MIS18BP1: variants seen among roughly 807,000 people sequenced by gnomAD.
MIS18BP1 encodes mis18-binding protein 1.
In MIS18BP1, 72 loss-of-function variants were observed where a neutral mutation model predicts 116.1. The ratio of observed to expected loss-of-function variants is 0.62; its 90% CI spans 0.51 to 0.75. The LOEUF (loss-of-function observed/expected upper bound fraction) is 0.75, where lower values mean the gene tolerates loss of function less well. Among genes scored for constraint, MIS18BP1 ranks in the 30% least tolerant of loss-of-function variants. The probability of loss-of-function intolerance (pLI) is 0.00; values close to 1 mark genes in which losing one functional copy is unlikely to be tolerated. For missense variants in MIS18BP1, 1,363 were observed against 1,303.2 expected (o/e 1.05, Z -0.71); for synonymous variants, 386 against 427.0 (o/e 0.90, Z 1.18).
chr14:45,241,921 A>G (rs1310781768), intron 4 of MIS18BP1, 113 bp downstream of exon 4: 2 of 1,139,736 alleles, frequency 1.8e-6, no homozygotes, highest in Non-Finnish European at 2.5e-6. Flanking sequence ...ATAATGAAGC[A>G]TACAGGTTCA....
Position 45,245,142 on chromosome 14 carries a change from G to A in MIS18BP1, c.544+1601C>T, listed in dbSNP as rs183716589. On this transcript the variant is annotated intron_variant, in intron 2 of 16. Coordinates refer to ENST00000310806, the MANE Select transcript of MIS18BP1 (RefSeq NM_018353.5). ...TTGAACCCTTTCACGCAATGTTTTC[G>A]TTGCTACCATTCCACCAAAGCTGCC... Among the ~76,000 whole-genome samples, 10 of 152,028 alleles carry A rather than the reference G, an allele frequency of 6.6e-5. No individual in the cohort carries two copies. In the East Asian group the frequency reaches 7.7e-4, roughly 12 times the overall value.
intron 2 of MIS18BP1, among the ~76,000 whole-genome samples, chr14:45,246,116 T>C (rs1451821187): frequency 6.6e-6 from 1 of 152,176 alleles, no homozygotes; most frequent in Admixed American, 6.5e-5. Flanking sequence ...TTGTACACAG[T>C]GGTTAACTAA....
intron 4 of MIS18BP1, chr14:45,241,726 G>C (rs762319084): frequency 1.4e-5 from 3 of 219,016 alleles, no homozygotes; most frequent in Non-Finnish European, 2.7e-5. Context: ...AGAAAAAAAA[G>C]AGTAGGAATG....
intron 13 of MIS18BP1, among the ~76,000 whole-genome samples, chr14:45,213,521 T>C (rs1890731702): frequency 6.6e-6 from 1 of 152,236 alleles, no homozygotes; most frequent in African/African-American, 2.4e-5. Flanking sequence ...AAATGTTTTC[T>C]GTAAATAATC....
chr14:45,234,360 AAAG>A (rs1418872499), intron 6 of MIS18BP1, among the ~76,000 whole-genome samples: 3 of 152,198 alleles, frequency 2.0e-5, no homozygotes, highest in Non-Finnish European at 4.4e-5. Context: ...ATAAAAAAAA[AAAG>A]GAGAAGGGAG....
rs577979979 is a variant in MIS18BP1, at chr14:45,224,307, C to A, written c.2280G>T (p.Met760Ile). 17 of 1,613,882 alleles carry A rather than the reference C, an allele frequency of 1.1e-5. No individual in the cohort carries two copies. The South Asian group carries it at 1.8e-4, about 17-fold the overall frequency. Reference protein sequence around the residue: ...KLKKIENQVAMSFYKHQSSPD... With the variant: ...KLKKIENQVAISFYKHQSSPD... ...GTGAGGACTGATGCTTATAAAATGA[C>A]ATAGCTACCTGATTTTCTATTTTCT... Residue 760 changes from methionine (M) to isoleucine (I), a missense_variant, in exon 11 of 17, where the codon ATG (methionine) becomes ATT (isoleucine). By Grantham distance (10) the Met-to-Ile change is conservative (BLOSUM62 1). Transcript: ENST00000310806.
chr14:45,215,118 G>A (rs1307275960), intron 13 of MIS18BP1, among the ~76,000 whole-genome samples: 3 of 152,162 alleles, frequency 2.0e-5, no homozygotes, highest in African/African-American at 4.8e-5. Flanking sequence ...CTGAAATGAT[G>A]GTGGGATAAA....
chr14:45,207,815 A>C (rs952726700), intron 14 of MIS18BP1, among the ~76,000 whole-genome samples: 3 of 152,248 alleles, frequency 2.0e-5, no homozygotes, highest in Admixed American at 6.5e-5. Flanking sequence ...TAGAGCTAGT[A>C]AAGTCAGAGA....
intron 13 of MIS18BP1, among the ~76,000 whole-genome samples, chr14:45,214,213 T>C (rs900050795): frequency 1.3e-5 from 2 of 152,150 alleles, no homozygotes; most frequent in Non-Finnish European, 2.9e-5. Flanking sequence ...AAGGTATCTG[T>C]CTCCTGCTCG....
At chr14:45,226,694 A>C (rs1233507446) in intron 10 of MIS18BP1, 49 bp downstream of exon 10, 1 of 1,270,128 alleles carries the variant, frequency 7.9e-7, no homozygotes, top group East Asian at 3.3e-5. Context: ...AAAACATTTC[A>C]CATAGTAGCT....
intron 12 of MIS18BP1, 35 bp from the exon 13 acceptor site, chr14:45,217,214 G>T (rs781268508): frequency 6.2e-7 from 1 of 1,601,566 alleles, no homozygotes; most frequent in Non-Finnish European, 8.5e-7. Context: ...ATAAGGATTT[G>T]GTTATTTATA....
At chr14:45,217,291 C>G in intron 12 of MIS18BP1, 112 bp from the exon 13 acceptor site, 1 of 1,280,778 alleles carries the variant, frequency 7.8e-7, no homozygotes, top group Non-Finnish European at 1.1e-6. Context: ...AAAAAAAAAC[C>G]AAAAAACTCA....
At chr14:45,215,668 C>T (rs1380684490) in intron 13 of MIS18BP1, among the ~76,000 whole-genome samples, 4 of 151,532 alleles carry the variant, frequency 2.6e-5, no homozygotes, top group Non-Finnish European at 4.4e-5. Context: ...TTCTTGGCCT[C>T]CCAAAGTGTT....
At chr14:45,248,031 C>T (rs1401467162) in intron 1 of MIS18BP1, among the ~76,000 whole-genome samples, 11 of 142,602 alleles carry the variant, frequency 7.7e-5, no homozygotes, top group South Asian at 2.3e-4. Flanking sequence ...CTTGAGTTTA[C>T]GTAGTTTTAG....
chr14:45,237,713 C>A lies in MIS18BP1; in HGVS notation c.1152G>T (p.Gln384His), dbSNP rs769559945. ...TNGLKKNQVVQLQEWMIKSIN... is the reference protein window; with the variant it reads ...TNGLKKNQVVHLQEWMIKSIN... ...TGCTTTTAATCATCCATTCCTGTAG[C>A]TGAACTACCTAATCAAGTATAAAAC... is the stretch of plus-strand genomic sequence containing the variant. The change falls in exon 5 of 17, where the codon CAG becomes CAT. Residue 384 changes from glutamine to histidine, a missense_variant. Gln to His is a conservative substitution (Grantham distance 24, BLOSUM62 0). Transcript: ENST00000310806. 5 of 1,600,946 alleles carry A rather than the reference C, an allele frequency of 3.1e-6. No individual in the cohort carries two copies. The highest frequency in any genetic ancestry group is 4.3e-6 in the Non-Finnish European group (5 of 1,175,444).
Position 45,224,311 on chromosome 14 carries a change from G to A in MIS18BP1, c.2276C>T (p.Ala759Val). The change falls in exon 11 of 17, where the codon GCT becomes GTT. Residue 759 changes from alanine (A) to valine (V), a missense_variant. Transcript: ENST00000310806. ...PKLKKIENQV[A>V]MSFYKHQSSP... ...GGACTGATGCTTATAAAATGACATA[G>A]CTACCTGATTTTCTATTTTCTTCAA... 1 of 1,613,802 alleles carries A rather than the reference G, an allele frequency of 6.2e-7. No individual in the cohort carries two copies. The highest frequency in any genetic ancestry group is 1.1e-5 in the South Asian group (1 of 91,056).
chr14:45,206,879 G>T (rs1890533730), intron 14 of MIS18BP1, among the ~76,000 whole-genome samples: 1 of 151,786 alleles, frequency 6.6e-6, no homozygotes, highest in Non-Finnish European at 1.5e-5. Flanking sequence ...TGTCCTAATT[G>T]AATCTCAGTT....
At chr14:45,239,607 T>A (rs1319147301) in intron 4 of MIS18BP1, among the ~76,000 whole-genome samples, 1 of 152,190 alleles carries the variant, frequency 6.6e-6, no homozygotes, top group East Asian at 1.9e-4. Flanking sequence ...GTGTTTTCTA[T>A]TGAGATGACA....
intron 8 of MIS18BP1, among the ~76,000 whole-genome samples, chr14:45,228,157 T>C (rs1358088876): frequency 1.3e-5 from 2 of 152,206 alleles, no homozygotes; most frequent in Non-Finnish European, 2.9e-5. Context: ...AGCAACACCC[T>C]GTCTCAGAAA....
Sources: allele counts gnomAD v4.1 joint callset (sites outside exome capture counted in the v4.1 genomes callset), GRCh38; gene constraint gnomAD v4.1.1; transcripts MANE v1.5; gene names NCBI Gene and HGNC (gene_info 2026-07-23, HGNC 2026-07-21).